ZNF416: variants seen among roughly 807,000 people sequenced by gnomAD.
ZNF416 encodes the protein zinc finger protein 416.
Under a neutral mutation model 10.9 loss-of-function variants are expected in ZNF416, and 5 were observed. The ratio of observed to expected loss-of-function variants is 0.46; its 90% CI spans 0.24 to 0.97. ZNF416 has a LOEUF of 0.97. ZNF416 is among the 50% of genes least tolerant of loss of function. ZNF416 has a pLI of 0.19. For missense variants in ZNF416, 675 were observed against 715.0 expected (o/e 0.94, Z 0.64); for synonymous variants, 267 against 251.8 (o/e 1.06, Z -0.57).
At chr19:57,578,641 G>A (rs769782707) in intron 1 of ZNF416, 31 bp downstream of exon 1, 4 of 1,533,804 alleles carry the variant, frequency 2.6e-6, no homozygotes, top group Admixed American at 2.1e-5. Flanking sequence ...GGCGGAGAGG[G>A]CAGGTGAGGC....
intron 3 of ZNF416, 43 bp from the exon 4 acceptor site, chr19:57,573,744 T>C: frequency 6.3e-7 from 1 of 1,578,846 alleles, no homozygotes; most frequent in South Asian, 1.1e-5. Flanking sequence ...TTGACTATGA[T>C]GGGAGTGTAT....
At chr19:57,577,975 C>T in intron 2 of ZNF416, 82 bp downstream of exon 2, 2 of 1,497,196 alleles carry the variant, frequency 1.3e-6, no homozygotes, top group Non-Finnish European at 1.9e-6. Context: ...CAAAGAGTGC[C>T]AAGAGAAGAG....
chr19:57,578,709 T>C lies in ZNF416; in HGVS notation c.-5A>G. On this transcript the variant is annotated 5_prime_UTR_variant, in exon 1 of 4. Transcript: ENST00000196489. ...CCTAAGCACGGCCGCCGCCATCGGA[T>C]TGTGAGCGGAGCGGGGCCGGGAGCG... 1 of 1,533,966 alleles carries C rather than the reference T, an allele frequency of 6.5e-7. No homozygotes were observed. The highest frequency in any genetic ancestry group is 8.8e-7 in the Non-Finnish European group (1 of 1,139,916).
chr19:57,573,144 C>G lies in ZNF416; in HGVS notation c.760G>C (p.Glu254Gln). 1.9e-6 allele frequency: 3 copies of G among 1,614,202 alleles called. No homozygotes were observed. Among genetic ancestry groups the G allele is most frequent in the Non-Finnish European group, 2.5e-6 (3 of 1,180,020 alleles). Residue 254 changes from glutamate (E) to glutamine (Q), a missense_variant, in exon 4 of 4, where the codon GAG becomes CAG. By Grantham distance (29) the Glu-to-Gln change is conservative. Transcript: ENST00000196489. ...CTTTGCAGCTGAACAAGGGAGCACT[C>G]ACAGCAGCAGGCTTTCCCACATTTG... is the stretch of plus-strand genomic sequence containing the variant. ...SSKCGKACCC[E>Q]CSLVQLQRVH... is the part of the protein sequence containing the mutation.
Position 57,574,421 on chromosome 19 carries a change from C to T in ZNF416, c.203-720G>A, listed in dbSNP as rs538398881. Among the ~76,000 whole-genome samples, 10 of 152,270 alleles carry T rather than the reference C, an allele frequency of 6.6e-5. No homozygotes were observed. The East Asian group carries it at 1.9e-3, about 29-fold the overall frequency. ...ACCACTGAGCACTTCCTCATGTGGC[C>T]CTGCATGGCATGGTGTTCACATGCT... On this transcript the variant is annotated intron_variant, in intron 3 of 3. Coordinates refer to ENST00000196489, the MANE Select transcript of ZNF416 (RefSeq NM_017879.3).
chr19:57,578,546 C>G (rs2123400397), intron 1 of ZNF416, 126 bp downstream of exon 1: 3 of 1,117,114 alleles, frequency 2.7e-6, no homozygotes, highest in Middle Eastern at 2.3e-4. Flanking sequence ...GGGAGCCCCA[C>G]CCGCGAGGGC....
chr19:57,574,720 A>G (rs1023162445), intron 3 of ZNF416, among the ~76,000 whole-genome samples: 2 of 152,216 alleles, frequency 1.3e-5, no homozygotes, highest in African/African-American at 4.8e-5. Context: ...AATGGGGTAC[A>G]GTACACAAGG....
intron 3 of ZNF416, 143 bp from the exon 4 acceptor site, chr19:57,573,844 T>G (rs1978423951): frequency 3.0e-6 from 3 of 1,008,472 alleles, no homozygotes; most frequent in Admixed American, 2.7e-5. Context: ...GAGACCAGTC[T>G]GGGCAATATG....
chr19:57,572,490 C>T lies in ZNF416; in HGVS notation c.1414G>A (p.Gly472Arg), dbSNP rs367665355. The T allele has an allele frequency of 6.2e-7, 1 of 1,613,866 alleles. No individual in the cohort carries two copies. The highest frequency in any genetic ancestry group is 8.5e-7 in the Non-Finnish European group (1 of 1,180,010). ...AERPYVCGEC[G>R]KAFMFKSKLV... ...TTAGATTTGAACATAAAAGCTTTCC[C>T]ACATTCCCCACATACATAAGGCCTT... The change falls in exon 4 of 4, where the codon GGG (glycine) becomes AGG (arginine). Residue 472 changes from glycine to arginine, a missense_variant. Transcript: ENST00000196489. This position sits in a 1 kb window ranked among gnomAD's most constrained non-coding sequence, Gnocchi z 4.5.
rs748221589 is a variant in ZNF416, at chr19:57,573,259, G to A, written c.645C>T (p.Tyr215=). ...EEAFHVGISH[Y]KWSQCRRESS... ...ACTCTCTCCTGCATTGACTCCACTT[G>A]TAATGACTTATTCCAACATGAAAGG... The change falls in exon 4 of 4, where the codon TAC becomes TAT. Residue 215 remains tyrosine (Y), a synonymous_variant. Transcript: ENST00000196489. The A allele has an allele frequency of 6.2e-7, 1 of 1,614,218 alleles. No homozygotes were observed. The highest frequency in any genetic ancestry group is 8.5e-7 in the Non-Finnish European group (1 of 1,180,042).
chr19:57,571,725 C>A lies in ZNF416; in HGVS notation c.*394G>T. 1 of 168,556 alleles carries A rather than the reference C, an allele frequency of 5.9e-6. No individual in the cohort carries two copies. Among genetic ancestry groups the A allele is most frequent in the Non-Finnish European group, 1.3e-5 (1 of 77,832 alleles). The allele number at this position is 168,556 out of a possible 1,614,324, so 10.4% of individuals were successfully genotyped here. A position where few individuals can be genotyped will look rare whatever the true frequency, so the allele number is the denominator to read the frequency against. Reference sequence around the variant, plus strand: ...TTCCACATCAGCTTCCAGCAGAACCCAGGCTGGGCCCTTCTGGCCAAAACT... The same window carrying A: ...TTCCACATCAGCTTCCAGCAGAACCAAGGCTGGGCCCTTCTGGCCAAAACT... On this transcript the variant is annotated 3_prime_UTR_variant, in exon 4 of 4. Coordinates refer to ENST00000196489, the MANE Select transcript of ZNF416 (RefSeq NM_017879.3).
chr19:57,574,227 ATCCCAAGGTCAGG>A (rs1978440745), intron 3 of ZNF416, among the ~76,000 whole-genome samples: 1 of 152,162 alleles, frequency 6.6e-6, no homozygotes, highest in Non-Finnish European at 1.5e-5. Flanking sequence ...TGCTCTAGTC[ATCCCAAGGTCAGG>A]CAGGAGACAA....
At chr19:57,577,153 C>T (rs760769056) in intron 2 of ZNF416, among the ~76,000 whole-genome samples, 12 of 152,174 alleles carry the variant, frequency 7.9e-5, no homozygotes, top group Non-Finnish European at 1.5e-4. Flanking sequence ...ATGTCTCTAT[C>T]CTGAATCCCT....
chr19:57,574,053 A>C (rs953400833), intron 3 of ZNF416, among the ~76,000 whole-genome samples: 1 of 152,096 alleles, frequency 6.6e-6, no homozygotes. Context: ...AAAATAAAAA[A>C]CATTGCTGGC....
At position 57,578,718 on chromosome 19, in the gene ZNF416, G is replaced by T. The variant is rs1435303013; in HGVS notation, c.-14C>A. ...GGCCGCCGCCATCGGATTGTGAGCG[G>T]AGCGGGGCCGGGAGCGGCGGGCGAC... is the stretch of plus-strand genomic sequence containing the variant. On this transcript the variant is annotated 5_prime_UTR_variant, in exon 1 of 4. Transcript: ENST00000196489. 2.0e-6 allele frequency: 3 copies of T among 1,500,768 alleles called. No individual in the cohort carries two copies. The highest frequency in any genetic ancestry group is 2.7e-6 in the Non-Finnish European group (3 of 1,122,174). The allele number at this position is 1,500,768 out of a possible 1,614,324, so 93.0% of individuals were successfully genotyped here. A position where few individuals can be genotyped will look rare whatever the true frequency, so the allele number is the denominator to read the frequency against.
Position 57,571,862 on chromosome 19 carries a change from G to T in ZNF416, c.*257C>A. 2.3e-6 allele frequency: 1 copy of T among 439,520 alleles called. No individual in the cohort carries two copies. Among genetic ancestry groups the T allele is most frequent in the Non-Finnish European group, 4.1e-6 (1 of 245,966 alleles). 27.2% of individuals were successfully genotyped at this position (439,520 alleles called of 1,614,324 possible). A position where few individuals can be genotyped will look rare whatever the true frequency, so the allele number is the denominator to read the frequency against. On this transcript the variant is annotated 3_prime_UTR_variant, in exon 4 of 4. Coordinates refer to ENST00000196489, the MANE Select transcript of ZNF416 (RefSeq NM_017879.3). ...GGGAGAACACAGGTGTATCTGCCTC[G>T]CCTTAGTATGCAAGGGTGACTAATG...
intron 2 of ZNF416, among the ~76,000 whole-genome samples, chr19:57,576,964 C>G (rs1355474704): frequency 1.3e-5 from 2 of 150,944 alleles, no homozygotes; most frequent in Admixed American, 1.3e-4. Context: ...CACCTCTCTC[C>G]CATACCTGTC....
chr19:57,573,798 A>T, intron 3 of ZNF416, 97 bp from the exon 4 acceptor site: 1 of 1,480,710 alleles, frequency 6.8e-7, no homozygotes, highest in Middle Eastern at 2.5e-4. Context: ...GTGTTCTGAC[A>T]TCTTAAAAAC....
intron 2 of ZNF416, among the ~76,000 whole-genome samples, chr19:57,577,665 C>T (rs1210972220): frequency 6.6e-6 from 1 of 152,160 alleles, no homozygotes; most frequent in Non-Finnish European, 1.5e-5. Flanking sequence ...ACCTCCTCTG[C>T]CCCCAAACTG....
Sources: gnomAD v4.1 joint callset for allele counts (sites outside exome capture counted in the v4.1 genomes callset) on GRCh38, gnomAD v4.1.1 for gene constraint, Gnocchi (gnomAD v3.1) non-coding constraint, MANE v1.5 for transcripts, NCBI Gene and HGNC (gene_info 2026-07-23, HGNC 2026-07-21) for gene names.